Variants in CARMIL1 observed in about 807,000 individuals in gnomAD.
CARMIL1 encodes the protein F-actin-uncapping protein LRRC16A.
A neutral mutation model predicts 177.1 loss-of-function variants in CARMIL1; 90 were observed. The ratio of observed to expected loss-of-function variants is 0.51; its 90% CI spans 0.43 to 0.61. The LOEUF is 0.61. CARMIL1 is among the 20% of genes least tolerant of loss of function. The pLI is 0.00. For synonymous variants in CARMIL1, 577 were observed against 606.2 expected (o/e 0.95, Z 0.71); for missense variants, 1,380 against 1,667.0 (o/e 0.83, Z 3.00).
intron 5 of CARMIL1, among the ~76,000 whole-genome samples, chr6:25,442,844 CTGAT>C (rs1196505094): frequency 6.6e-6 from 1 of 152,166 alleles, no homozygotes; most frequent in Non-Finnish European, 1.5e-5. Context: ...CCTTTACTCT[CTGAT>C]TGATTTCCCC....
rs1233431332 is a variant in CARMIL1 at position 25,500,177 on chromosome 6, T to G, written c.1337T>G (p.Leu446Trp). ...TTTCCTCCCCTCAGAGCACTGTTATTGGGCCTGGCTTGTAATCATAACTTG... is the reference window on the plus strand; with the variant it reads ...TTTCCTCCCCTCAGAGCACTGTTATGGGGCCTGGCTTGTAATCATAACTTG... ...LSPEPLKALL[L>W]GLACNHNLKG... is the part of the protein sequence containing the mutation. Residue 446 changes from leucine to tryptophan, a missense_variant, in exon 17 of 37, where the codon TTG (leucine) becomes TGG (tryptophan). Coordinates refer to ENST00000329474, the MANE Select transcript of CARMIL1 (RefSeq NM_017640.6). 1.2e-6 allele frequency: 2 copies of G among 1,613,862 alleles called. No homozygotes were observed. The highest frequency in any genetic ancestry group is 1.7e-5 in the Admixed American group (1 of 60,010).
intron 2 of CARMIL1, among the ~76,000 whole-genome samples, chr6:25,407,349 A>C (rs1405984073): frequency 1.3e-5 from 2 of 151,834 alleles, no homozygotes; most frequent in South Asian, 4.2e-4. Flanking sequence ...TTAGTTGCTT[A>C]AGGTTCCTGC....
chr6:25,393,772 G>T (rs1422847280), intron 2 of CARMIL1, among the ~76,000 whole-genome samples: 1 of 150,918 alleles, frequency 6.6e-6, no homozygotes, highest in African/African-American at 2.4e-5. Context: ...CAGGAGGATC[G>T]CTTGAACCCA....
intron 2 of CARMIL1, among the ~76,000 whole-genome samples, chr6:25,386,635 G>A (rs368262121): frequency 1.3e-5 from 2 of 152,228 alleles, no homozygotes; most frequent in Non-Finnish European, 1.5e-5. Flanking sequence ...CGCCCAGGAC[G>A]TTGAAGAAAT....
At chr6:25,586,613 G>A (rs1307327709) in intron 31 of CARMIL1, among the ~76,000 whole-genome samples, 2 of 151,964 alleles carry the variant, frequency 1.3e-5, no homozygotes, top group African/African-American at 2.4e-5. Flanking sequence ...CGGCTGGGAG[G>A]TGGAGGTTGT....
intron 26 of CARMIL1, among the ~76,000 whole-genome samples, chr6:25,544,641 A>ACACACACC (rs1181480241): frequency 4.2e-5 from 6 of 143,990 alleles, no homozygotes; most frequent in African/African-American, 1.6e-4. Flanking sequence ...ACACACACAC[A>ACACACACC]CACACCCCAA....
chr6:25,584,203 A>G (rs1251599458), intron 31 of CARMIL1, among the ~76,000 whole-genome samples: 1 of 150,062 alleles, frequency 6.7e-6, no homozygotes, highest in Non-Finnish European at 1.5e-5. Context: ...TTGGCTAATT[A>G]TTTAAATATT....
chr6:25,315,334 A>G (rs945895896), intron 2 of CARMIL1, among the ~76,000 whole-genome samples: 1 of 152,216 alleles, frequency 6.6e-6, no homozygotes, highest in African/African-American at 2.4e-5. Flanking sequence ...TTGTCTTGGT[A>G]GGCATCTTCT....
intron 16 of CARMIL1, among the ~76,000 whole-genome samples, chr6:25,496,513 GA>G (rs1365767423): frequency 2.0e-5 from 3 of 146,812 alleles, no homozygotes; most frequent in African/African-American, 2.5e-5. Context: ...GTCAAGTGCT[GA>G]AAAAAAAGTC....
Position 25,610,055 on chromosome 6 carries a change from A to G in CARMIL1, c.3853A>G (p.Ile1285Val). The G allele has an allele frequency of 6.2e-7, 1 of 1,613,868 alleles. No individual in the cohort carries two copies. The highest frequency in any genetic ancestry group is 8.5e-7 in the Non-Finnish European group (1 of 1,179,828). ...KPRTASRPDD[I>V]PDSPSSPKVA... The stretch of plus-strand genomic sequence containing the variant: ...ACGTGTTTGTGTCTCCTTAGATGAC[A>G]TTCCAGACTCTCCATCTAGCCCGAA... Residue 1285 changes from isoleucine to valine, a missense_variant, in exon 36 of 37, where the codon ATT (isoleucine) becomes GTT (valine). Ile to Val is a conservative substitution (Grantham distance 29). Coordinates refer to ENST00000329474, the MANE Select transcript of CARMIL1 (RefSeq NM_017640.6).
intron 5 of CARMIL1, among the ~76,000 whole-genome samples, chr6:25,447,914 C>G (rs1798391159): frequency 6.6e-6 from 1 of 152,068 alleles, no homozygotes; most frequent in South Asian, 2.1e-4. Context: ...GTATCCTCTG[C>G]TCCTTCTGTC....
intron 2 of CARMIL1, among the ~76,000 whole-genome samples, chr6:25,407,002 A>G (rs1485557302): frequency 1.3e-5 from 2 of 152,132 alleles, no homozygotes; most frequent in African/African-American, 2.4e-5. Flanking sequence ...CGAGAACATC[A>G]AGCATGAAGG....
At chr6:25,366,476 C>A (rs1187244216) in intron 2 of CARMIL1, among the ~76,000 whole-genome samples, 1 of 151,794 alleles carries the variant, frequency 6.6e-6, no homozygotes, top group Non-Finnish European at 1.5e-5. Context: ...CTTTACTTTT[C>A]TCCATCACAC....
intron 3 of CARMIL1, among the ~76,000 whole-genome samples, chr6:25,424,788 A>G (rs1796146358): frequency 6.6e-6 from 1 of 152,030 alleles, no homozygotes; most frequent in African/African-American, 2.4e-5. Context: ...AATCTAGAAA[A>G]CGTCTGCTGT....
intron 4 of CARMIL1, among the ~76,000 whole-genome samples, chr6:25,429,154 C>T (rs574246191): frequency 6.6e-5 from 10 of 152,272 alleles, no homozygotes; most frequent in African/African-American, 2.2e-4. Flanking sequence ...TAGCAATGAG[C>T]ATCTTGTGGG....
rs781053870 is a variant in CARMIL1, at chr6:25,539,999, G to T, written c.2249G>T (p.Gly750Val). 7.5e-6 allele frequency: 12 copies of T among 1,606,802 alleles called. No homozygotes were observed. In the African/African-American group the frequency reaches 1.6e-4, roughly 22 times the overall value. Reference sequence around the variant, plus strand: ...GGTGCATCTTGGGCGGGAGCCAGTGGCTTACTATCCAGTCCAATTCAGGAG... The same window carrying T: ...GGTGCATCTTGGGCGGGAGCCAGTGTCTTACTATCCAGTCCAATTCAGGAG... ...VGGASWAGASGLLSSPIQETL... is the reference protein window; with the variant it reads ...VGGASWAGASVLLSSPIQETL... The change falls in exon 26 of 37, where the codon GGC (glycine) becomes GTC (valine). Residue 750 changes from glycine (G) to valine (V), a missense_variant. Coordinates refer to ENST00000329474, the MANE Select transcript of CARMIL1 (RefSeq NM_017640.6).
intron 29 of CARMIL1, among the ~76,000 whole-genome samples, chr6:25,572,558 A>G (rs1812181183): frequency 6.6e-6 from 1 of 152,018 alleles, no homozygotes; most frequent in Non-Finnish European, 1.5e-5. Context: ...AAGGTTAACC[A>G]GGCATGGTGG....
At chr6:25,452,001 C>A (rs201886155) in intron 8 of CARMIL1, 9 of 232,368 alleles carry the variant, frequency 3.9e-5, no homozygotes, top group African/African-American at 1.5e-4. Context: ...CCCCTCCCCC[C>A]CCCAGAATAC....
chr6:25,297,448 C>T (rs1246842828), intron 2 of CARMIL1, among the ~76,000 whole-genome samples: 1 of 152,116 alleles, frequency 6.6e-6, no homozygotes, highest in African/African-American at 2.4e-5. Flanking sequence ...TAGCACTTAA[C>T]CCTCTATCAT....
Sources: allele counts gnomAD v4.1 joint callset (sites outside exome capture counted in the v4.1 genomes callset), GRCh38; gene constraint gnomAD v4.1.1; transcripts MANE v1.5; gene names NCBI Gene and HGNC (gene_info 2026-07-23, HGNC 2026-07-21).